Variants in MORN1 observed in about 807,000 individuals in gnomAD.
MORN1 encodes the protein MORN repeat-containing protein 1.
In MORN1, 67 loss-of-function variants were observed where a neutral mutation model predicts 61.9. The observed-to-expected ratio is 1.08, with a 90% CI of 0.89 to 1.33. MORN1 has a LOEUF of 1.33. Ranked by LOEUF, MORN1 falls within the 40% of genes most tolerant of loss-of-function variation. MORN1 has a pLI of 0.00. For missense variants in MORN1, 752 were observed against 691.2 expected (o/e 1.09, Z -0.99); for synonymous variants, 301 against 292.0 (o/e 1.03, Z -0.31).
intron 6 of MORN1, chr1:2,378,118 C>T: frequency 6.6e-6 from 1 of 152,346 alleles, no homozygotes; most frequent in South Asian, 2.1e-4. Flanking sequence ...CTGCATTTGA[C>T]CTCGCTGGTC....
chr1:2,336,428 T>C (rs1641278169), intron 12 of MORN1, 41 bp downstream of exon 12: 2 of 1,592,862 alleles, frequency 1.3e-6, no homozygotes, highest in African/African-American at 2.7e-5. Flanking sequence ...AGGCCACAGC[T>C]GACCCTCCGA....
Position 2,372,406 on chromosome 1 carries a change from A to G in MORN1, c.745+75T>C, listed in dbSNP as rs1027105037. On this transcript the variant is annotated intron_variant, in intron 8 of 13. Transcript: ENST00000378531. The surrounding 1 kb of genome is among the most constrained non-coding windows in gnomAD (Gnocchi z 5.4). Reference sequence around the variant, plus strand: ...GAGCCACATGCAACATCTCGTCCGCATCTTCACTGCTTAAGAACCTGCTGC... The same window carrying G: ...GAGCCACATGCAACATCTCGTCCGCGTCTTCACTGCTTAAGAACCTGCTGC... 3.4e-6 allele frequency: 4 copies of G among 1,176,952 alleles called. No individual in the cohort carries two copies. In the Admixed American group the frequency reaches 8.9e-5, roughly 26 times the overall value. 72.9% of individuals were successfully genotyped at this position (1,176,952 alleles called of 1,614,324 possible).
chr1:2,391,241 G>A lies in MORN1; in HGVS notation c.76+217C>T, dbSNP rs895199482. ...GGCGACCCCCTGCAGGGCTTGGCCT[G>A]CTGCGGGAGGAGGGCTCGGGGAAGG... On this transcript the variant is annotated intron_variant, in intron 1 of 13. Transcript: ENST00000378531. Among the ~76,000 whole-genome samples, 17 of 152,298 alleles carry A rather than the reference G, an allele frequency of 1.1e-4. No homozygotes were observed. The East Asian group carries it at 3.3e-3, about 29-fold the overall frequency.
intron 6 of MORN1, among the ~76,000 whole-genome samples, chr1:2,381,201 G>A (rs995917835): frequency 2.0e-5 from 3 of 152,254 alleles, no homozygotes; most frequent in African/African-American, 4.8e-5. Flanking sequence ...TGGCAGCCAC[G>A]GCTGTGCTGC....
intron 12 of MORN1, among the ~76,000 whole-genome samples, chr1:2,328,678 TTGTCACCTCC>T (rs573863248): frequency 5.1e-4 from 78 of 152,296 alleles, no homozygotes; most frequent in African/African-American, 1.8e-3. Flanking sequence ...TTGGAAACTG[TTGTCACCTCC>T]TTAGTAACCC....
At chr1:2,336,421 C>G (rs1317479134) in intron 12 of MORN1, 48 bp downstream of exon 12, 2 of 1,578,510 alleles carry the variant, frequency 1.3e-6, no homozygotes, top group South Asian at 2.2e-5. Flanking sequence ...GATGAGGAGG[C>G]CACAGCTGAC....
At chr1:2,387,287 GC>G in intron 4 of MORN1, 131 bp downstream of exon 4, 1 of 723,692 alleles carries the variant, frequency 1.4e-6, no homozygotes, top group Non-Finnish European at 2.5e-6. Flanking sequence ...GAGGGCATGG[GC>G]CCCCTACCTC....
At chr1:2,338,068 C>A (rs536598197) in intron 10 of MORN1, among the ~76,000 whole-genome samples, 1 of 152,210 alleles carries the variant, frequency 6.6e-6, no homozygotes, top group East Asian at 1.9e-4. Context: ...GGCCCCGGGG[C>A]AGCCCCCTCT....
chr1:2,340,267 T>C (rs2645071), intron 10 of MORN1, among the ~76,000 whole-genome samples: 22,460 of 152,048 alleles, frequency 0.15, 1,913 homozygotes, highest in Middle Eastern at 0.23. Flanking sequence ...CCAGATGACC[T>C]CTCACCTGCC....
At chr1:2,327,223 CACAG>C (rs1166335389) in intron 12 of MORN1, among the ~76,000 whole-genome samples, 5 of 139,898 alleles carry the variant, frequency 3.6e-5, no homozygotes, top group Non-Finnish European at 7.9e-5. Flanking sequence ...CAGAAACAAA[CACAG>C]AGACACAGAA....
chr1:2,374,332 T>A, intron 7 of MORN1, 129 bp downstream of exon 7: 1 of 718,652 alleles, frequency 1.4e-6, no homozygotes, highest in Non-Finnish European at 2.4e-6. Flanking sequence ...GGGTGGGGTT[T>A]TATATTCCAC....
At chr1:2,352,729 G>A (rs888549870) in intron 10 of MORN1, 10 of 152,454 alleles carry the variant, frequency 6.6e-5, no homozygotes, top group Middle Eastern at 3.4e-3. Context: ...GAGAGTCCTC[G>A]GAAGGGACTT....
intron 6 of MORN1, chr1:2,378,445 C>G (rs565557385): frequency 5.9e-6 from 1 of 169,472 alleles, no homozygotes; most frequent in Non-Finnish European, 1.3e-5. Context: ...CTATAGGCCC[C>G]GTGGAGGCCC....
At position 2,385,854 on chromosome 1, in the gene MORN1, G is replaced by A. The variant is rs765146765; in HGVS notation, c.402C>T (p.Gly134=). The part of the protein sequence containing the change: ...LVDRDGQVYQ[G]SFHDNKRHGP... Reference sequence around the variant, plus strand: ...CGTGCCTCTTGTTGTCATGGAAGGAGCCCTGGTACACTTGTCCATCCCGGT... The same window carrying A: ...CGTGCCTCTTGTTGTCATGGAAGGAACCCTGGTACACTTGTCCATCCCGGT... Residue 134 remains glycine (G), a synonymous_variant, in exon 5 of 14, where the codon GGC becomes GGT. Coordinates refer to ENST00000378531, the MANE Select transcript of MORN1 (RefSeq NM_024848.3). 5.6e-6 allele frequency: 9 copies of A among 1,613,846 alleles called. No homozygotes were observed. The highest frequency in any genetic ancestry group is 3.3e-5 in the Admixed American group (2 of 60,012).
chr1:2,348,984 A>C (rs2645072), intron 10 of MORN1, among the ~76,000 whole-genome samples: 126,853 of 152,170 alleles, frequency 0.83, 53,278 homozygotes, highest in African/African-American at 0.93. Flanking sequence ...TCTTGTCCCC[A>C]CTTCTTTGTG....
At chr1:2,344,541 C>T (rs565022787) in intron 10 of MORN1, among the ~76,000 whole-genome samples, 55 of 152,196 alleles carry the variant, frequency 3.6e-4, no homozygotes, top group Non-Finnish European at 5.3e-4. Flanking sequence ...ACCGCACAGA[C>T]GGCAGTTCCT....
chr1:2,368,131 A>T (rs2100328552), intron 8 of MORN1, among the ~76,000 whole-genome samples: 1 of 152,382 alleles, frequency 6.6e-6, no homozygotes, highest in East Asian at 1.9e-4. Context: ...ATGTATTTGC[A>T]AATTAGATAT....
chr1:2,372,631 T>C lies in MORN1; in HGVS notation c.635-40A>G. 1 of 1,530,530 alleles carries C rather than the reference T, an allele frequency of 6.5e-7. No individual in the cohort carries two copies. Among genetic ancestry groups the C allele is most frequent in the Non-Finnish European group, 9.0e-7 (1 of 1,114,440 alleles). The allele number at this position is 1,530,530 out of a possible 1,614,324, so 94.8% of individuals were successfully genotyped here. ...AGTGTGGCTTTAGCGGTGACTGGCA[T>C]GGTCCCCCACCCACCCCATGGCTGA... On this transcript the variant is annotated intron_variant, in intron 7 of 13. Coordinates refer to ENST00000378531, the MANE Select transcript of MORN1 (RefSeq NM_024848.3). The surrounding 1 kb of genome is among the most constrained non-coding windows in gnomAD (Gnocchi z 5.4).
chr1:2,385,459 C>T (rs984035671), intron 5 of MORN1: 12 of 358,424 alleles, frequency 3.3e-5, no homozygotes, highest in Non-Finnish European at 5.1e-5. Context: ...CTCTGCTGGC[C>T]GGAGAGCACC....
Sources: allele counts gnomAD v4.1 joint callset (sites outside exome capture counted in the v4.1 genomes callset), GRCh38; gene constraint gnomAD v4.1.1; non-coding constraint Gnocchi (gnomAD v3.1); transcripts MANE v1.5; gene names NCBI Gene and HGNC (gene_info 2026-07-23, HGNC 2026-07-21).